ROBO1: variants seen among roughly 807,000 people sequenced by gnomAD.
ROBO1 encodes the protein roundabout homolog 1.
Under a neutral mutation model 195.9 loss-of-function variants are expected in ROBO1, and 149 were observed. That is an observed-to-expected ratio of 0.76 (90% CI 0.67 to 0.87). The LOEUF (loss-of-function observed/expected upper bound fraction) is 0.87, where lower values mean the gene tolerates loss of function less well. Ranked by LOEUF, ROBO1 falls within the 40% of genes least tolerant of loss-of-function variation. ROBO1 has a pLI of 0.00. For synonymous variants in ROBO1, 816 were observed against 733.2 expected, an observed-to-expected ratio of 1.11 and a Z score of -1.82; for missense variants, 1,933 against 2,068.3, an observed-to-expected ratio of 0.93 and a Z score of 1.27.
chr3:79,352,308 C>T (rs28417561), intron 2 of ROBO1, among the ~76,000 whole-genome samples: 63,297 of 152,006 alleles, frequency 0.42, 17,352 homozygotes, highest in African/African-American at 0.79. Flanking sequence ...TTTTAACTTT[C>T]TATTTGAAAA....
At chr3:79,221,864 ATC>A (rs1423593859) in intron 2 of ROBO1, among the ~76,000 whole-genome samples, 1 of 152,128 alleles carries the variant, frequency 6.6e-6, no homozygotes, top group Non-Finnish European at 1.5e-5. Flanking sequence ...TAATATGGTT[ATC>A]TCTCTGAGAA....
intron 2 of ROBO1, among the ~76,000 whole-genome samples, chr3:79,422,473 C>T (rs1001930391): frequency 1.6e-4 from 25 of 152,164 alleles, no homozygotes; most frequent in African/African-American, 5.3e-4. Flanking sequence ...TTTATTAAAA[C>T]TCTGTCCTAA....
At chr3:79,749,475 G>T (rs1396864150) in intron 1 of ROBO1, among the ~76,000 whole-genome samples, 1 of 152,166 alleles carries the variant, frequency 6.6e-6, no homozygotes, top group African/African-American at 2.4e-5. Context: ...AATTCCGAAG[G>T]CAATGTGGAA....
intron 4 of ROBO1, among the ~76,000 whole-genome samples, chr3:78,826,208 G>A (rs2031583673): frequency 6.6e-6 from 1 of 152,134 alleles, no homozygotes; most frequent in Non-Finnish European, 1.5e-5. Context: ...TAGTTTGTAA[G>A]CATTACTCCT....
intron 1 of ROBO1, among the ~76,000 whole-genome samples, chr3:79,685,713 A>G (rs1947084634): frequency 6.6e-6 from 1 of 152,096 alleles, no homozygotes; most frequent in Non-Finnish European, 1.5e-5. Flanking sequence ...GGTTACACTC[A>G]AGCTTGGTAA....
intron 2 of ROBO1, among the ~76,000 whole-genome samples, chr3:79,541,717 T>C (rs904496629): frequency 6.6e-6 from 1 of 151,714 alleles, no homozygotes; most frequent in Admixed American, 6.6e-5. Context: ...AAGATAGTTA[T>C]AAGATATAGG....
intron 2 of ROBO1, among the ~76,000 whole-genome samples, chr3:79,198,070 T>C (rs2081677313): frequency 6.6e-6 from 1 of 152,112 alleles, no homozygotes; most frequent in African/African-American, 2.4e-5. Flanking sequence ...TTTTGGCTTT[T>C]GTTGCCATTG....
At chr3:79,222,975 A>G (rs2082167443) in intron 2 of ROBO1, among the ~76,000 whole-genome samples, 1 of 152,192 alleles carries the variant, frequency 6.6e-6, no homozygotes, top group East Asian at 1.9e-4. Context: ...GCAGACTAGT[A>G]TAAAGAATTT....
intron 2 of ROBO1, among the ~76,000 whole-genome samples, chr3:79,481,597 CT>C (rs1411754673): frequency 6.6e-6 from 1 of 152,134 alleles, no homozygotes; most frequent in Non-Finnish European, 1.5e-5. Flanking sequence ...GTTTCTCATA[CT>C]TAATGGTCAA....
At chr3:79,700,379 G>T (rs1407792245) in intron 1 of ROBO1, among the ~76,000 whole-genome samples, 2 of 146,492 alleles carry the variant, frequency 1.4e-5, no homozygotes, top group Non-Finnish European at 3.0e-5. Context: ...TTTTCTTTTG[G>T]ATATGTACCC....
At chr3:79,630,481 G>A (rs1945305785) in intron 1 of ROBO1, among the ~76,000 whole-genome samples, 1 of 151,810 alleles carries the variant, frequency 6.6e-6, no homozygotes, top group South Asian at 2.1e-4. Context: ...AGGCATCAAA[G>A]AATCATACCT....
At chr3:78,710,659 T>A (rs1474396706) in intron 8 of ROBO1, among the ~76,000 whole-genome samples, 1 of 152,206 alleles carries the variant, frequency 6.6e-6, no homozygotes, top group East Asian at 1.9e-4. Context: ...TTATGTAAAC[T>A]CTTCTAGGTT....
chr3:79,364,120 C>G (rs751550254), intron 2 of ROBO1, among the ~76,000 whole-genome samples: 86 of 151,874 alleles, frequency 5.7e-4, no homozygotes, highest in South Asian at 1.3e-3. Context: ...AGGAGAATGG[C>G]GTGAACCCGG....
chr3:78,957,875 T>C (rs780555573), intron 3 of ROBO1, among the ~76,000 whole-genome samples: 1 of 152,192 alleles, frequency 6.6e-6, no homozygotes, highest in Non-Finnish European at 1.5e-5. Context: ...TTTTTAAGCA[T>C]GTGTGAGATC....
chr3:79,125,371 G>T (rs185807648), intron 3 of ROBO1, 85 bp downstream of exon 3: 1 of 1,088,354 alleles, frequency 9.2e-7, no homozygotes. Flanking sequence ...GGGATGATTC[G>T]ATTAATTTTA....
chr3:79,678,760 A>G (rs1209461758), intron 1 of ROBO1, among the ~76,000 whole-genome samples: 1 of 152,108 alleles, frequency 6.6e-6, no homozygotes, highest in East Asian at 1.9e-4. Context: ...ACAAAGGAGC[A>G]CGGATTGCCA....
At chr3:79,333,646 T>C (rs1170224218) in intron 2 of ROBO1, among the ~76,000 whole-genome samples, 1 of 152,170 alleles carries the variant, frequency 6.6e-6, no homozygotes, top group Non-Finnish European at 1.5e-5. Context: ...CCTGAAGTTG[T>C]TCCTCCAGCA....
At chr3:78,640,796 C>T (rs558632533) in intron 21 of ROBO1, among the ~76,000 whole-genome samples, 2 of 152,078 alleles carry the variant, frequency 1.3e-5, no homozygotes, top group Admixed American at 1.3e-4. Context: ...GTCCCATTCA[C>T]AATAAACAGA....
chr3:79,174,713 A>C (rs2081234757), intron 2 of ROBO1, among the ~76,000 whole-genome samples: 1 of 151,994 alleles, frequency 6.6e-6, no homozygotes, highest in Non-Finnish European at 1.5e-5. Context: ...AATACAAAAA[A>C]AAAAACTGGT....
Sources: gnomAD v4.1 joint callset for allele counts (sites outside exome capture counted in the v4.1 genomes callset) on GRCh38, gnomAD v4.1.1 for gene constraint, MANE v1.5 for transcripts, NCBI Gene and HGNC (gene_info 2026-07-23, HGNC 2026-07-21) for gene names.